The following ABL2 variants were observed in gnomAD, a reference collection of about 807,000 sequenced individuals.
ABL2 encodes tyrosine-protein kinase ABL2.
ABL2 carries 49 observed loss-of-function variants against 107.7 expected under a neutral mutation model. The ratio of observed to expected loss-of-function variants is 0.45; its 90% CI spans 0.36 to 0.58. The LOEUF (loss-of-function observed/expected upper bound fraction) is 0.58. Ranked by LOEUF, ABL2 falls within the 20% of genes least tolerant of loss-of-function variation. The pLI is 0.00. For missense variants in ABL2, 1,245 were observed against 1,457.0 expected (o/e 0.85, Z 2.37); for synonymous variants, 549 against 548.6 (o/e 1.00, Z -0.01).
At chr1:179,159,770 T>C (rs1557964143) in intron 1 of ABL2, among the ~76,000 whole-genome samples, 1 of 152,290 alleles carries the variant, frequency 6.6e-6, no homozygotes, top group South Asian at 2.1e-4. Flanking sequence ...TAATGTCTTA[T>C]AAAAATACTT....
chr1:179,229,107 G>T (rs1314239563), intron 1 of ABL2, 134 bp downstream of exon 1: 3 of 1,151,558 alleles, frequency 2.6e-6, no homozygotes, highest in South Asian at 3.1e-5. Flanking sequence ...GGACCAGATG[G>T]CAGCGGATTC....
Position 179,136,737 on chromosome 1 carries a change from T to TAAATAAATAA in ABL2, c.158-3364_158-3363insTTATTTATTT, listed in dbSNP as rs1389556672. ...ATAAATAAATAAATAAATAAATAAA[T>TAAATAAATAA]AAATAAAAATAAAAATAAAAATACA... On this transcript the variant is annotated intron_variant, in intron 1 of 11. Transcript: ENST00000502732. Among the ~76,000 whole-genome samples, 257 of 142,778 alleles carry TAAATAAATAA rather than the reference T, an allele frequency of 1.8e-3. 4 individuals carry two copies. The highest frequency in any genetic ancestry group is 5.9e-3 in the African/African-American group (209 of 35,414). The allele number at this position is 142,778 out of a possible 152,430, so 93.7% of individuals were successfully genotyped here. A position where few individuals can be genotyped will look rare whatever the true frequency, so the allele number is the denominator to read the frequency against.
rs577657989 is a variant in ABL2 at position 179,162,571 on chromosome 1, C to T, written c.158-29197G>A. ...CTGCATTCCAGCCTGGGCAACAGAG[C>T]GAGACTCTGTTTTTAAAAAAAATTA... is the stretch of plus-strand genomic sequence containing the variant. On this transcript the variant is annotated intron_variant, in intron 1 of 11. Coordinates refer to ENST00000502732, the MANE Select transcript of ABL2 (RefSeq NM_007314.4). 2.0e-4 allele frequency among the ~76,000 whole-genome samples: 30 copies of T among 151,648 alleles called. 1 individual carries two copies. In the South Asian group the frequency reaches 5.8e-3, roughly 29 times the overall value.
At position 179,132,922 on chromosome 1, in the gene ABL2, A is replaced by C. The variant is rs1656485630; in HGVS notation, c.220+390T>G. On this transcript the variant is annotated intron_variant, in intron 2 of 11. Transcript: ENST00000502732. ...TGCCCAGGCTGGAGTGCAGTGGCAC[A>C]ATCTCTGCTCACTGCAACCTTCACG... Among the ~76,000 whole-genome samples, 3 of 151,046 alleles carry C rather than the reference A, an allele frequency of 2.0e-5. No individual in the cohort carries two copies. The South Asian group carries it at 6.3e-4, about 31-fold the overall frequency.
rs79213325 is a variant in ABL2 at position 179,120,899 on chromosome 1, G to A, written c.961-625C>T. Among the ~76,000 whole-genome samples, 490 of 152,244 alleles carry A rather than the reference G, an allele frequency of 3.2e-3. 2 individuals are homozygous for A. The highest frequency in any genetic ancestry group is 0.014 in the Middle Eastern group (4 of 294). ...CCAGATATCTCAGGCTTTGAATGAC[G>A]AGACAGAGCACTTAGCTGCTTACAT... On this transcript the variant is annotated intron_variant, in intron 5 of 11. Transcript: ENST00000502732.
intron 9 of ABL2, among the ~76,000 whole-genome samples, chr1:179,114,151 A>G (rs1654380885): frequency 6.6e-6 from 1 of 152,056 alleles, no homozygotes; most frequent in South Asian, 2.1e-4. Context: ...GCAACTTGGG[A>G]GGCTGAGGCA....
chr1:179,159,389 T>C (rs1156698921), intron 1 of ABL2, among the ~76,000 whole-genome samples: 1 of 152,216 alleles, frequency 6.6e-6, no homozygotes, highest in African/African-American at 2.4e-5. Flanking sequence ...GAATAAGTAG[T>C]CCTACTCAAC....
At chr1:179,122,276 TAA>T (rs34338293) in intron 4 of ABL2, among the ~76,000 whole-genome samples, 31,780 of 126,704 alleles carry the variant, frequency 0.25, 3,756 homozygotes, top group Admixed American at 0.32. Context: ...AGGCTATCTT[TAA>T]AAAAAAAAAA....
chr1:179,168,740 C>T (rs1659538782), intron 1 of ABL2, among the ~76,000 whole-genome samples: 1 of 152,160 alleles, frequency 6.6e-6, no homozygotes, highest in Non-Finnish European at 1.5e-5. Context: ...TTTAGAGTCA[C>T]ATCCTCTTCC....
At chr1:179,112,466 A>T (rs1455401417) in intron 9 of ABL2, 68 bp from the exon 10 acceptor site, 2 of 1,271,410 alleles carry the variant, frequency 1.6e-6, no homozygotes, top group Non-Finnish European at 2.3e-6. Context: ...TGTATCTAAT[A>T]ATGAGTTCTA....
intron 11 of ABL2, 30 bp from the exon 12 acceptor site, chr1:179,109,471 A>G: frequency 6.3e-7 from 1 of 1,577,278 alleles, no homozygotes; most frequent in Non-Finnish European, 8.6e-7. Flanking sequence ...CAGTAACTTA[A>G]AAGACAAGAA....
Position 179,121,737 on chromosome 1 carries a change from C to T in ABL2, c.818G>A (p.Gly273Asp), listed in dbSNP as rs1655216681. ...CCATTTGTCGTGGATGGGGGACACA[C>T]CATAGACTGTAGGCTTATTACACTT... ...APKCNKPTVY[G>D]VSPIHDKWEM... is the part of the protein sequence containing the mutation. Residue 273 changes from glycine (G) to aspartate (D), a missense_variant, in exon 5 of 12, where the codon GGT (glycine) becomes GAT (aspartate). This residue lies in a region of ABL2 where 320 missense variants were observed against 547.0 expected (regional missense o/e 0.59). Transcript: ENST00000502732. 6.2e-7 allele frequency: 1 copy of T among 1,613,938 alleles called. No individual in the cohort carries two copies.
chr1:179,117,989 A>G (rs1013016341), intron 7 of ABL2, among the ~76,000 whole-genome samples: 29 of 151,654 alleles, frequency 1.9e-4, no homozygotes, highest in African/African-American at 6.5e-4. Flanking sequence ...ACAAAAAAAA[A>G]CCATAAAAAA....
intron 1 of ABL2, among the ~76,000 whole-genome samples, chr1:179,147,494 T>C (rs1448370041): frequency 1.3e-5 from 2 of 152,196 alleles, no homozygotes; most frequent in Non-Finnish European, 2.9e-5. Context: ...CTGGAGTTTT[T>C]AAAATGTGGT....
chr1:179,124,464 CTTTTTTTT>C lies in ABL2; in HGVS notation c.687+1905_687+1912del, dbSNP rs562899587. Reference sequence around the variant, plus strand: ...TTCTAACATCTTAGATTAGCTTCTGCTTTTTTTTTTTTTTTTTTTTTTGAGACAGAGTC... The same window carrying C: ...TTCTAACATCTTAGATTAGCTTCTGCTTTTTTTTTTTTTTGAGACAGAGTC... On this transcript the variant is annotated intron_variant, in intron 4 of 11. Coordinates refer to ENST00000502732, the MANE Select transcript of ABL2 (RefSeq NM_007314.4). Among the ~76,000 whole-genome samples, 25 of 83,358 alleles carry C rather than the reference CTTTTTTTT, an allele frequency of 3.0e-4. 3 individuals carry two copies. In the East Asian group the frequency reaches 8.2e-3, roughly 27 times the overall value. 54.7% of individuals were successfully genotyped at this position (83,358 alleles called of 152,430 possible).
chr1:179,142,522 A>G (rs746635705), intron 1 of ABL2, among the ~76,000 whole-genome samples: 6 of 152,244 alleles, frequency 3.9e-5, no homozygotes, highest in Non-Finnish European at 7.3e-5. Flanking sequence ...GGAGAAATTA[A>G]TATTACAAAT....
intron 1 of ABL2, among the ~76,000 whole-genome samples, chr1:179,190,576 T>TC (rs1055025286): frequency 4.0e-5 from 6 of 151,280 alleles, no homozygotes; most frequent in African/African-American, 1.2e-4. Context: ...TTTCAGCCTC[T>TC]CCCCCCTCCA....
chr1:179,224,146 A>AC (rs1558009990), intron 1 of ABL2, among the ~76,000 whole-genome samples: 1 of 150,254 alleles, frequency 6.7e-6, no homozygotes, highest in African/African-American at 2.4e-5. Flanking sequence ...AAAAAAAAAA[A>AC]AAAAAAAAAA....
chr1:179,195,822 C>T (rs1033923608), intron 1 of ABL2, among the ~76,000 whole-genome samples: 7 of 152,096 alleles, frequency 4.6e-5, no homozygotes, highest in African/African-American at 9.7e-5. Flanking sequence ...ATATGAGGAA[C>T]CTAGAGTAGT....
Sources: allele counts gnomAD v4.1 joint callset (sites outside exome capture counted in the v4.1 genomes callset), GRCh38; gene constraint gnomAD v4.1.1; regional missense constraint gnomAD v4.1.1; transcripts MANE v1.5; gene names NCBI Gene and HGNC (gene_info 2026-07-23, HGNC 2026-07-21).